The following NAPA variants were observed in gnomAD, a reference collection of about 807,000 sequenced individuals.
NAPA encodes the protein alpha-soluble NSF attachment protein.
Under a neutral mutation model 48.0 loss-of-function variants are expected in NAPA, and 18 were observed. That is an observed-to-expected ratio of 0.38 (90% CI 0.26 to 0.56). The LOEUF is 0.56. Ranked by LOEUF, NAPA falls within the 20% of genes least tolerant of loss-of-function variation. NAPA has a pLI of 0.77. For missense variants in NAPA, 315 were observed against 385.0 expected (o/e 0.82, Z 1.52); for synonymous variants, 152 against 149.9 (o/e 1.01, Z -0.10).
rs567256488 is a variant in NAPA, at chr19:47,495,208, G to A, written c.342+342C>T. On this transcript the variant is annotated intron_variant, in intron 4 of 10. Transcript: ENST00000263354. ...GAGGTCTTGCTATGTTGCCCAGGCTGGTCTCGAACTCCTGTGCCCAAAAGA... is the reference window on the plus strand; with the variant it reads ...GAGGTCTTGCTATGTTGCCCAGGCTAGTCTCGAACTCCTGTGCCCAAAAGA... The A allele has an allele frequency of 3.9e-4, 135 of 346,674 alleles. 2 individuals are homozygous for A. The South Asian group carries it at 4.9e-3, about 13-fold the overall frequency. The allele number at this position is 346,674 out of a possible 1,614,324, so 21.5% of individuals were successfully genotyped here.
chr19:47,491,271 C>T (rs1243468624), intron 8 of NAPA: 1 of 183,978 alleles, frequency 5.4e-6, no homozygotes, highest in Non-Finnish European at 1.1e-5. Flanking sequence ...GTGACCTGCC[C>T]AGGGCACGGT....
At chr19:47,511,624 GC>G (rs1968806365) in intron 1 of NAPA, among the ~76,000 whole-genome samples, 1 of 152,222 alleles carries the variant, frequency 6.6e-6, no homozygotes, top group African/African-American at 2.4e-5. Context: ...CAGCAAAGGG[GC>G]TAAGTGAGAA....
intron 8 of NAPA, chr19:47,491,491 A>G: frequency 6.5e-6 from 1 of 154,824 alleles, no homozygotes; most frequent in Non-Finnish European, 1.4e-5. Context: ...AGCAAAATCT[A>G]GCGCCAACCC....
intron 9 of NAPA, among the ~76,000 whole-genome samples, chr19:47,490,274 G>A (rs1318548429): frequency 6.8e-6 from 1 of 147,448 alleles, no homozygotes; most frequent in African/African-American, 2.5e-5. Context: ...TGTGGTGTGT[G>A]TACTGTGCAA....
chr19:47,513,769 C>A (rs1434818395), intron 1 of NAPA, among the ~76,000 whole-genome samples: 2 of 151,636 alleles, frequency 1.3e-5, no homozygotes, highest in Non-Finnish European at 2.9e-5. Flanking sequence ...CTTGGCCAAG[C>A]CACCACCACG....
At chr19:47,489,600 T>C in intron 10 of NAPA, 111 bp downstream of exon 10, 2 of 1,234,000 alleles carry the variant, frequency 1.6e-6, no homozygotes, top group South Asian at 2.5e-5. Context: ...CACAGTGGGC[T>C]GGGGGCCAGA....
At chr19:47,500,269 C>T (rs1260914183) in intron 3 of NAPA, among the ~76,000 whole-genome samples, 2 of 152,208 alleles carry the variant, frequency 1.3e-5, no homozygotes, top group African/African-American at 2.4e-5. Context: ...CCCCCCACAC[C>T]GCTCCCTTCT....
At chr19:47,503,839 C>T (rs1445479325) in intron 1 of NAPA, among the ~76,000 whole-genome samples, 1 of 152,208 alleles carries the variant, frequency 6.6e-6, no homozygotes, top group Non-Finnish European at 1.5e-5. Context: ...GGGTCCCAGG[C>T]GCGCTACAAA....
At chr19:47,509,724 A>G (rs887817191) in intron 1 of NAPA, among the ~76,000 whole-genome samples, 4 of 152,118 alleles carry the variant, frequency 2.6e-5, no homozygotes, top group Non-Finnish European at 5.9e-5. Flanking sequence ...CCCTTACTGC[A>G]CAATGCTCAA....
intron 10 of NAPA, chr19:47,489,401 G>A (rs753565574): frequency 2.9e-4 from 126 of 428,772 alleles, no homozygotes; most frequent in Non-Finnish European, 2.1e-4. Context: ...TCACCTGGGG[G>A]ACTCAAGGAA....
chr19:47,506,682 G>C lies in NAPA; in HGVS notation c.99-3180C>G, dbSNP rs770631513. 6.6e-6 allele frequency: 1 copy of C among 152,266 alleles called. No homozygotes were observed. The highest frequency in any genetic ancestry group is 2.4e-5 in the African/African-American group (1 of 41,452). The allele number at this position is 152,266 out of a possible 1,614,324, so 9.4% of individuals were successfully genotyped here. ...CGGACACAAAGCCTACCAGCTGCCC[G>C]GGCTGAAACTCTGTGATCCCAGGCT... On this transcript the variant is annotated intron_variant, in intron 1 of 10. Coordinates refer to ENST00000263354, the MANE Select transcript of NAPA (RefSeq NM_003827.4). The surrounding 1 kb of genome is among the most constrained non-coding windows in gnomAD (Gnocchi z 4.0).
intron 9 of NAPA, among the ~76,000 whole-genome samples, chr19:47,490,373 G>A (rs990550687): frequency 6.7e-6 from 1 of 148,324 alleles, no homozygotes; most frequent in Non-Finnish European, 1.5e-5. Flanking sequence ...TGGTGTGTGT[G>A]TAGTGTGTGT....
Position 47,493,153 on chromosome 19 carries a change from A to T in NAPA, c.442T>A (p.Ser148Thr), listed in dbSNP as rs1205240658. ...IEKAIAHYEQ[S>T]ADYYKGEESN... ...TCCTCGCCTTTGTAGTAGTCTGCAG[A>T]CTGCTCGTAGTGGGCAATGGCCTGG... Residue 148 changes from serine to threonine, a missense_variant, in exon 6 of 11, where the codon TCT becomes ACT. Coordinates refer to ENST00000263354, the MANE Select transcript of NAPA (RefSeq NM_003827.4). This position sits in a 1 kb window ranked among gnomAD's most constrained non-coding sequence, Gnocchi z 6.4. 1.9e-6 allele frequency: 3 copies of T among 1,604,128 alleles called. No individual in the cohort carries two copies. The highest frequency in any genetic ancestry group is 1.7e-5 in the Admixed American group (1 of 59,556).
At chr19:47,510,932 C>T (rs1025737446) in intron 1 of NAPA, among the ~76,000 whole-genome samples, 1 of 152,224 alleles carries the variant, frequency 6.6e-6, no homozygotes, top group Non-Finnish European at 1.5e-5. Flanking sequence ...GTGCTGTCGC[C>T]TTCAGTGGCT....
intron 10 of NAPA, chr19:47,489,385 A>T (rs926350648): frequency 5.5e-6 from 2 of 365,132 alleles, no homozygotes; most frequent in African/African-American, 2.0e-5. Flanking sequence ...TGTGAGTCTC[A>T]CACACTCACC....
chr19:47,506,474 C>T lies in NAPA; in HGVS notation c.99-2972G>A, dbSNP rs144443340. The stretch of plus-strand genomic sequence containing the variant: ...TTCAGACCTTAATCACAGGTCTGCC[C>T]ACCCCACAGGTCCCCCAGCTCAGCC... On this transcript the variant is annotated intron_variant, in intron 1 of 10. Coordinates refer to ENST00000263354, the MANE Select transcript of NAPA (RefSeq NM_003827.4). The surrounding 1 kb of genome is among the most constrained non-coding windows in gnomAD (Gnocchi z 4.0). 1.1e-4 allele frequency among the ~76,000 whole-genome samples: 17 copies of T among 152,296 alleles called. No homozygotes were observed. The East Asian group carries it at 2.1e-3, about 19-fold the overall frequency.
intron 1 of NAPA, among the ~76,000 whole-genome samples, chr19:47,511,577 T>C (rs1446040053): frequency 6.6e-6 from 1 of 152,200 alleles, no homozygotes; most frequent in Non-Finnish European, 1.5e-5. Context: ...TGCCCAGAGA[T>C]GGTCATGAAC....
chr19:47,488,542 A>G (rs1968144493), intron 10 of NAPA, 153 bp from the exon 11 acceptor site: 1 of 545,330 alleles, frequency 1.8e-6, no homozygotes, highest in Non-Finnish European at 3.3e-6. Flanking sequence ...CAACTCAGCC[A>G]TGGGAGCTCC....
chr19:47,489,732 A>T lies in NAPA; in HGVS notation c.765T>A (p.Asn255Lys). 1 of 1,614,102 alleles carries T rather than the reference A, an allele frequency of 6.2e-7. No homozygotes were observed. ...TCACCGACTCGGTGTAGCTGTCCAC[A>T]TTCTGCTCCTCGTGGGCCTCTAGCA... ...KKLLEAHEEQNVDSYTESVKE... is the reference protein window; with the variant it reads ...KKLLEAHEEQKVDSYTESVKE... Residue 255 changes from asparagine to lysine, a missense_variant, in exon 10 of 11, where the codon AAT becomes AAA. Asn to Lys is a moderately conservative substitution (Grantham distance 94). Transcript: ENST00000263354.
Sources: allele counts gnomAD v4.1 joint callset (sites outside exome capture counted in the v4.1 genomes callset), GRCh38; gene constraint gnomAD v4.1.1; non-coding constraint Gnocchi (gnomAD v3.1); transcripts MANE v1.5; gene names NCBI Gene and HGNC (gene_info 2026-07-23, HGNC 2026-07-21).